The following NRXN1 variants were observed in gnomAD, a reference collection of about 807,000 sequenced individuals.
NRXN1 encodes the protein neurexin-1.
Under a neutral mutation model 150.9 loss-of-function variants are expected in NRXN1, and 39 were observed. The ratio of observed to expected loss-of-function variants is 0.26; its 90% CI spans 0.20 to 0.34. The LOEUF (loss-of-function observed/expected upper bound fraction) is 0.34, where lower values mean the gene tolerates loss of function less well. Among genes scored for constraint, NRXN1 ranks in the 10% least tolerant of loss-of-function variants. NRXN1 has a pLI of 1.00. For missense variants in NRXN1, 1,815 were observed against 1,949.9 expected, an observed-to-expected ratio of 0.93 and a Z score of 1.30; for synonymous variants, 924 against 757.0, an observed-to-expected ratio of 1.22 and a Z score of -3.62.
intron 18 of NRXN1, among the ~76,000 whole-genome samples, chr2:50,221,635 C>A (rs190817653): frequency 4.6e-4 from 70 of 150,676 alleles, no homozygotes; most frequent in Admixed American, 7.9e-4. Context: ...TCACTGCTAA[C>A]TGTAATTTAG....
chr2:50,908,784 G>T (rs1406570201), intron 5 of NRXN1, among the ~76,000 whole-genome samples: 1 of 151,964 alleles, frequency 6.6e-6, no homozygotes, highest in African/African-American at 2.4e-5. Context: ...AAGGTCATCA[G>T]TATGGAGCCC....
intron 5 of NRXN1, among the ~76,000 whole-genome samples, chr2:50,836,698 A>AT (rs569574301): frequency 3.9e-5 from 6 of 151,982 alleles, no homozygotes; most frequent in African/African-American, 1.4e-4. Context: ...TATATACCAC[A>AT]TTTTTTTAAT....
intron 12 of NRXN1, among the ~76,000 whole-genome samples, chr2:50,509,697 A>T (rs1426818090): frequency 6.6e-6 from 1 of 152,224 alleles, no homozygotes; most frequent in Non-Finnish European, 1.5e-5. Context: ...TGGCAAAATT[A>T]TAGTAACTTC....
At chr2:50,107,280 T>G (rs1375869499) in intron 18 of NRXN1, among the ~76,000 whole-genome samples, 1 of 150,686 alleles carries the variant, frequency 6.6e-6, no homozygotes, top group Non-Finnish European at 1.5e-5. Context: ...AAAAAGACCC[T>G]TTTCATGCTC....
At chr2:50,947,401 A>G (rs1286926030) in intron 2 of NRXN1, among the ~76,000 whole-genome samples, 1 of 151,892 alleles carries the variant, frequency 6.6e-6, no homozygotes, top group African/African-American at 2.4e-5. Flanking sequence ...ATTTAAAAAT[A>G]TATTCTTAGT....
chr2:50,573,611 A>C (rs1053904804), intron 8 of NRXN1, among the ~76,000 whole-genome samples: 2 of 152,120 alleles, frequency 1.3e-5, no homozygotes, highest in Admixed American at 1.3e-4. Context: ...AGTTAAGGTA[A>C]GAAATGAAAC....
chr2:49,952,598 G>C (rs1267239774), intron 21 of NRXN1, among the ~76,000 whole-genome samples: 1 of 152,000 alleles, frequency 6.6e-6, no homozygotes, highest in African/African-American at 2.4e-5. Flanking sequence ...GTACCTAAAT[G>C]CATAACTAAT....
intron 2 of NRXN1, among the ~76,000 whole-genome samples, chr2:51,025,291 C>T (rs979280732): frequency 1.3e-5 from 2 of 152,144 alleles, no homozygotes; most frequent in Non-Finnish European, 2.9e-5. Flanking sequence ...CTACACTGTT[C>T]AATTATGCAT....
intron 18 of NRXN1, among the ~76,000 whole-genome samples, chr2:50,213,451 A>C: frequency 6.6e-6 from 1 of 151,902 alleles, no homozygotes; most frequent in Non-Finnish European, 1.5e-5. Flanking sequence ...TTGTATGTGA[A>C]CTTCAGCTTG....
chr2:50,168,657 G>C (rs2059831112), intron 18 of NRXN1, among the ~76,000 whole-genome samples: 1 of 152,138 alleles, frequency 6.6e-6, no homozygotes, highest in Non-Finnish European at 1.5e-5. Context: ...TTACTGGCAG[G>C]TTGACCGAAT....
chr2:50,308,454 A>C (rs1356287932), intron 17 of NRXN1, among the ~76,000 whole-genome samples: 2 of 151,976 alleles, frequency 1.3e-5, no homozygotes, highest in African/African-American at 2.4e-5. Context: ...CAGCCTCCCA[A>C]GCAACTAGGA....
chr2:50,798,420 G>C (rs1474947687), intron 5 of NRXN1, among the ~76,000 whole-genome samples: 2 of 152,054 alleles, frequency 1.3e-5, no homozygotes, highest in African/African-American at 4.8e-5. Flanking sequence ...TTCAGTTTCA[G>C]CACCACATGA....
chr2:50,903,272 C>T (rs180689447), intron 5 of NRXN1, among the ~76,000 whole-genome samples: 3 of 152,246 alleles, frequency 2.0e-5, no homozygotes, highest in South Asian at 2.1e-4. Flanking sequence ...CCAGACCTCG[C>T]CAACCTAAAT....
chr2:51,027,623 G>C lies in NRXN1; in HGVS notation c.651C>G (p.Cys217Trp). 1 of 1,584,856 alleles carries C rather than the reference G, an allele frequency of 6.3e-7. No homozygotes were observed. The highest frequency in any genetic ancestry group is 2.3e-5 in the East Asian group (1 of 42,818). Residue 217 changes from cysteine (C) to tryptophan (W), a missense_variant, in exon 2 of 23, where the codon TGC becomes TGG. Coordinates refer to ENST00000401669, the MANE Select transcript of NRXN1 (RefSeq NM_001330078.2). ...CGCCCTCGCCCTCCTCGCCCGCCTC[G>C]CACGGGCTTCCCCCGCCGCTGTTGG... ...EPPNSGGGSP[C>W]EAGEEGEGGV...
At chr2:50,599,934 A>G (rs557433565) in intron 8 of NRXN1, among the ~76,000 whole-genome samples, 2 of 152,342 alleles carry the variant, frequency 1.3e-5, no homozygotes, top group East Asian at 3.9e-4. Flanking sequence ...AGAATGGCAT[A>G]TCAGAAAATG....
chr2:50,036,502 C>T (rs1690058336), intron 21 of NRXN1, among the ~76,000 whole-genome samples: 1 of 152,144 alleles, frequency 6.6e-6, no homozygotes, highest in Admixed American at 6.6e-5. Flanking sequence ...TTTGACAAAT[C>T]TGTATACACA....
At chr2:50,800,117 A>G (rs1263101071) in intron 5 of NRXN1, among the ~76,000 whole-genome samples, 1 of 152,182 alleles carries the variant, frequency 6.6e-6, no homozygotes, top group Non-Finnish European at 1.5e-5. Context: ...AGCAGGAATA[A>G]CGCACTGTTT....
chr2:50,489,246 TGAG>T (rs2091086946), intron 15 of NRXN1, among the ~76,000 whole-genome samples: 1 of 152,118 alleles, frequency 6.6e-6, no homozygotes, highest in South Asian at 2.1e-4. Flanking sequence ...GTGTGCTGGG[TGAG>T]AAGAAACCAG....
At chr2:50,779,902 C>G (rs1412753429) in intron 5 of NRXN1, among the ~76,000 whole-genome samples, 1 of 152,178 alleles carries the variant, frequency 6.6e-6, no homozygotes, top group African/African-American at 2.4e-5. Context: ...ATTGCTGGAT[C>G]AAATGGTATT....
Sources: allele counts gnomAD v4.1 joint callset (sites outside exome capture counted in the v4.1 genomes callset), GRCh38; gene constraint gnomAD v4.1.1; transcripts MANE v1.5; gene names NCBI Gene and HGNC (gene_info 2026-07-23, HGNC 2026-07-21).